Variants in LRMDA observed in about 807,000 individuals in gnomAD.
LRMDA encodes leucine-rich melanocyte differentiation-associated protein.
In LRMDA, 18 loss-of-function variants were observed where a neutral mutation model predicts 29.8. That is an observed-to-expected ratio of 0.60 (90% CI 0.42 to 0.90). LRMDA has a LOEUF of 0.90. LRMDA is among the 40% of genes least tolerant of loss of function. The probability of loss-of-function intolerance (pLI) is 0.00; values close to 1 mark genes in which losing one functional copy is unlikely to be tolerated. For missense variants in LRMDA, 273 were observed against 273.9 expected (o/e 1.00, Z 0.02); for synonymous variants, 125 against 109.4 (o/e 1.14, Z -0.89).
At chr10:75,943,652 T>C (rs1846431190) in intron 2 of LRMDA, among the ~76,000 whole-genome samples, 1 of 152,192 alleles carries the variant, frequency 6.6e-6, no homozygotes, top group African/African-American at 2.4e-5. Context: ...TATTGACATA[T>C]TAATCCAAAT....
intron 5 of LRMDA, among the ~76,000 whole-genome samples, chr10:76,134,797 G>C (rs1850063297): frequency 6.6e-6 from 1 of 152,054 alleles, no homozygotes; most frequent in South Asian, 2.1e-4. Context: ...AATAAAATTT[G>C]ATACATTACT....
At chr10:76,294,255 C>G (rs1224277326) in intron 5 of LRMDA, among the ~76,000 whole-genome samples, 1 of 152,174 alleles carries the variant, frequency 6.6e-6, no homozygotes, top group African/African-American at 2.4e-5. Context: ...TTCTTAGTTT[C>G]TCTTTTTAAA....
intron 2 of LRMDA, among the ~76,000 whole-genome samples, chr10:75,643,634 C>T (rs906767587): frequency 6.6e-6 from 1 of 152,176 alleles, no homozygotes; most frequent in Non-Finnish European, 1.5e-5. Flanking sequence ...ACATATGCCA[C>T]ATCAGATTTC....
At chr10:76,537,157 T>G (rs969134981) in intron 6 of LRMDA, among the ~76,000 whole-genome samples, 2 of 152,242 alleles carry the variant, frequency 1.3e-5, no homozygotes, top group Non-Finnish European at 2.9e-5. Context: ...CTGTGCTCTT[T>G]CCCTGCTTTC....
chr10:75,978,036 G>T (rs1195506561), intron 2 of LRMDA, among the ~76,000 whole-genome samples: 2 of 152,216 alleles, frequency 1.3e-5, no homozygotes, highest in African/African-American at 2.4e-5. Context: ...CATGCTGATT[G>T]TCCCAGGGCT....
chr10:75,561,233 A>T (rs1840290152), intron 2 of LRMDA, among the ~76,000 whole-genome samples: 1 of 151,376 alleles, frequency 6.6e-6, no homozygotes, highest in African/African-American at 2.4e-5. Context: ...GTCTATTCAG[A>T]GATTCAACTT....
chr10:75,962,858 T>C (rs1167763293), intron 2 of LRMDA, among the ~76,000 whole-genome samples: 1 of 152,186 alleles, frequency 6.6e-6, no homozygotes, highest in Non-Finnish European at 1.5e-5. Context: ...GTCCCCTGTT[T>C]ATTTCTCTTT....
At chr10:75,475,466 T>C (rs1318858376) in intron 2 of LRMDA, among the ~76,000 whole-genome samples, 1 of 152,166 alleles carries the variant, frequency 6.6e-6, no homozygotes, top group Non-Finnish European at 1.5e-5. Flanking sequence ...TTCAAGAACC[T>C]GGGACTGCTT....
chr10:75,931,375 C>G (rs924448158), intron 2 of LRMDA, among the ~76,000 whole-genome samples: 3 of 152,142 alleles, frequency 2.0e-5, no homozygotes, highest in Admixed American at 6.5e-5. Context: ...AAATTGTCAT[C>G]ATTAATTAAG....
chr10:76,008,192 A>T (rs1001675961), intron 2 of LRMDA, among the ~76,000 whole-genome samples: 17 of 152,202 alleles, frequency 1.1e-4, no homozygotes, highest in Admixed American at 3.9e-4. Flanking sequence ...AGAAGGCTAC[A>T]CAATAGACTG....
chr10:76,020,093 TG>T (rs1847947336), intron 2 of LRMDA, among the ~76,000 whole-genome samples: 1 of 152,230 alleles, frequency 6.6e-6, no homozygotes, highest in African/African-American at 2.4e-5. Context: ...TCCTGGATGC[TG>T]CATCAAACAC....
At chr10:76,365,107 T>TATATATATATACACACAC (rs141131236) in intron 6 of LRMDA, among the ~76,000 whole-genome samples, 2,252 of 61,166 alleles carry the variant, frequency 0.037, 90 homozygotes, top group Middle Eastern at 0.1. Context: ...TATATATATA[T>TATATATATATACACACAC]ACACACACAC....
At chr10:75,601,990 C>T (rs1840892550) in intron 2 of LRMDA, among the ~76,000 whole-genome samples, 1 of 152,148 alleles carries the variant, frequency 6.6e-6, no homozygotes, top group Non-Finnish European at 1.5e-5. Context: ...TATCTTTTCT[C>T]CTCCAGAATA....
chr10:75,913,615 C>T (rs1407988588), intron 2 of LRMDA, among the ~76,000 whole-genome samples: 2 of 152,220 alleles, frequency 1.3e-5, no homozygotes, highest in African/African-American at 4.8e-5. Context: ...ATCTTCATAC[C>T]TCCTTGAGGC....
chr10:75,658,360 T>C (rs994098207), intron 2 of LRMDA, among the ~76,000 whole-genome samples: 2 of 142,876 alleles, frequency 1.4e-5, no homozygotes, highest in Non-Finnish European at 3.0e-5. Flanking sequence ...GGGTAGAAAA[T>C]AGATCTCTGA....
chr10:75,516,357 C>G (rs2195628), intron 2 of LRMDA, among the ~76,000 whole-genome samples: 11 of 152,228 alleles, frequency 7.2e-5, no homozygotes, highest in African/African-American at 2.7e-4. Flanking sequence ...CACATCCTCT[C>G]CAGCATCTGT....
intron 2 of LRMDA, among the ~76,000 whole-genome samples, chr10:75,671,521 C>A (rs1228010582): frequency 6.6e-6 from 1 of 152,124 alleles, no homozygotes; most frequent in Non-Finnish European, 1.5e-5. Flanking sequence ...TCATTCTCAG[C>A]AAACTAACAC....
At chr10:76,054,136 G>A (rs16932826) in intron 4 of LRMDA, among the ~76,000 whole-genome samples, 3,591 of 152,266 alleles carry the variant, frequency 0.024, 150 homozygotes, top group African/African-American at 0.082. Context: ...ATTGTTGAAC[G>A]AGTGAATGTA....
rs1334826179 is a variant in LRMDA, at chr10:75,863,002, A to C, written c.132-173006A>C. 3.3e-5 allele frequency among the ~76,000 whole-genome samples: 5 copies of C among 149,554 alleles called. No individual in the cohort carries two copies. The South Asian group carries it at 1.1e-3, about 32-fold the overall frequency. ...TCTTTTTGTTTGGTCCTGGCTTATAAAAAAAAAAGCCCTGCATGTAAATAT... is the reference window on the plus strand; with the variant it reads ...TCTTTTTGTTTGGTCCTGGCTTATACAAAAAAAAGCCCTGCATGTAAATAT... On this transcript the variant is annotated intron_variant, in intron 2 of 6. Transcript: ENST00000611255.
Sources: allele counts gnomAD v4.1 joint callset (sites outside exome capture counted in the v4.1 genomes callset), GRCh38; gene constraint gnomAD v4.1.1; transcripts MANE v1.5; gene names NCBI Gene and HGNC (gene_info 2026-07-23, HGNC 2026-07-21).